Variants in ATRN observed in about 807,000 individuals in gnomAD.
ATRN encodes the protein attractin-2.
Under a neutral mutation model 178.7 loss-of-function variants are expected in ATRN, and 54 were observed. That is an observed-to-expected ratio of 0.30 (90% confidence interval 0.24 to 0.38). The LOEUF (loss-of-function observed/expected upper bound fraction) is 0.38. Ranked by LOEUF, ATRN falls within the 10% of genes least tolerant of loss-of-function variation. ATRN has a pLI of 1.00. For missense variants in ATRN, 1,443 were observed against 1,815.1 expected, an observed-to-expected ratio of 0.79 and a Z score of 3.73; for synonymous variants, 636 against 663.0, an observed-to-expected ratio of 0.96 and a Z score of 0.63.
rs573702595 is a variant in ATRN at position 3,584,951 on chromosome 20, A to T, written c.3184+71A>T. The T allele has an allele frequency of 5.8e-5, 84 of 1,436,282 alleles. No homozygotes were observed. The Middle Eastern group carries it at 8.8e-4, about 15-fold the overall frequency. The allele number at this position is 1,436,282 out of a possible 1,614,324, so 89.0% of individuals were successfully genotyped here. A position where few individuals can be genotyped will look rare whatever the true frequency, so the allele number is the denominator to read the frequency against. ...TATGAAGAATAAAACCTTGAAAGCT[A>T]CGTTGTGTATATGTAACTCCCTGCC... is the stretch of plus-strand genomic sequence containing the variant. On this transcript the variant is annotated intron_variant, in intron 18 of 28. Coordinates refer to ENST00000262919, the MANE Select transcript of ATRN (RefSeq NM_139321.3).
intron 2 of ATRN, among the ~76,000 whole-genome samples, chr20:3,535,626 C>CACACACACACACACACACACACACACAT (rs1491226542): frequency 1.7e-5 from 2 of 115,844 alleles, no homozygotes; most frequent in Non-Finnish European, 3.6e-5. Context: ...CACACACACA[C>CACACACACACACACACACACACACACAT]ATATATATTT....
chr20:3,518,863 C>A (rs1469690070), intron 1 of ATRN, among the ~76,000 whole-genome samples: 1 of 151,906 alleles, frequency 6.6e-6, no homozygotes, highest in Non-Finnish European at 1.5e-5. Context: ...CAGTGCTCAA[C>A]TTTCTAATCA....
chr20:3,493,839 A>C (rs938711377), intron 1 of ATRN, among the ~76,000 whole-genome samples: 2 of 152,138 alleles, frequency 1.3e-5, no homozygotes, highest in Non-Finnish European at 2.9e-5. Context: ...TTTATAGTAA[A>C]CTTTGCTCTT....
chr20:3,489,722 C>G (rs945965993), intron 1 of ATRN: 1 of 1,576,282 alleles, frequency 6.3e-7, no homozygotes. Context: ...TTGGGATGCC[C>G]AAACACCTCA....
At chr20:3,584,626 G>A (rs377237350) in intron 17 of ATRN, 21 bp from the exon 18 acceptor site, 404 of 1,555,146 alleles carry the variant, frequency 2.6e-4, no homozygotes, top group Non-Finnish European at 3.3e-4. Context: ...ATAGTCAATT[G>A]CAACTTTTTT....
At chr20:3,630,347 C>T (rs1000943282) in intron 25 of ATRN, among the ~76,000 whole-genome samples, 20 of 152,058 alleles carry the variant, frequency 1.3e-4, no homozygotes, top group Non-Finnish European at 2.8e-4. Context: ...CACTGTCTCT[C>T]GTTCACTCCT....
At position 3,582,173 on chromosome 20, in the gene ATRN, G is replaced by A. The variant is rs1413343022; in HGVS notation, c.2583G>A (p.Lys861=). The A allele has an allele frequency of 6.2e-7, 1 of 1,614,078 alleles. No individual in the cohort carries two copies. The highest frequency in any genetic ancestry group is 8.5e-7 in the Non-Finnish European group (1 of 1,180,026). The change falls in exon 16 of 29, where the codon AAG becomes AAA. Residue 861 remains lysine (K), a synonymous_variant. Coordinates refer to ENST00000262919, the MANE Select transcript of ATRN (RefSeq NM_139321.3). ...LTLTPWVGLR[K]INVSYWCWED... ...TAACCCCATGGGTCGGCCTTCGGAA[G>A]ATCAATGTGTCCTACTGGTGCTGGG...
At chr20:3,598,028 T>G (rs1400018002) in intron 22 of ATRN, 28 bp downstream of exon 22, 2 of 1,460,394 alleles carry the variant, frequency 1.4e-6, no homozygotes, top group Non-Finnish European at 1.9e-6. Context: ...CTTCCTATTT[T>G]GTTTTGAATT....
rs1045047768 is a variant in ATRN, at chr20:3,647,064, T to C, written c.*217T>C. ...CCTTTTACTTTTGCATAGGAAATAC[T>C]TGATTTAATTACAGGTCCAGGGATG... On this transcript the variant is annotated 3_prime_UTR_variant, in exon 29 of 29. Transcript: ENST00000262919. 1.3e-5 allele frequency: 7 copies of C among 548,134 alleles called. No individual in the cohort carries two copies. In the African/African-American group the frequency reaches 1.3e-4, roughly 11 times the overall value. The allele number at this position is 548,134 out of a possible 1,614,324, so 34.0% of individuals were successfully genotyped here.
At chr20:3,508,367 G>T (rs1485002665) in intron 1 of ATRN, among the ~76,000 whole-genome samples, 1 of 152,090 alleles carries the variant, frequency 6.6e-6, no homozygotes, top group Non-Finnish European at 1.5e-5. Context: ...AAAGGGCCAG[G>T]TAGTATATAT....
chr20:3,639,495 C>T (rs1038760855), intron 27 of ATRN, among the ~76,000 whole-genome samples: 1 of 152,118 alleles, frequency 6.6e-6, no homozygotes, highest in African/African-American at 2.4e-5. Flanking sequence ...TCAAGCAATC[C>T]ACCCACCTCG....
intron 1 of ATRN, among the ~76,000 whole-genome samples, chr20:3,507,986 A>G (rs908634871): frequency 6.6e-6 from 1 of 152,116 alleles, no homozygotes; most frequent in African/African-American, 2.4e-5. Context: ...TACAGACATG[A>G]GCCACCGCGC....
chr20:3,613,375 G>A (rs773742786), intron 24 of ATRN, among the ~76,000 whole-genome samples: 22 of 152,314 alleles, frequency 1.4e-4, no homozygotes, highest in African/African-American at 2.6e-4. Context: ...TTTGGGGACC[G>A]TATCTGGCTG....
rs2084415471 is a variant in ATRN, at chr20:3,471,262, T to A, written c.155T>A (p.Leu52Gln). 1 of 1,448,826 alleles carries A rather than the reference T, an allele frequency of 6.9e-7. No individual in the cohort carries two copies. The highest frequency in any genetic ancestry group is 1.4e-5 in the South Asian group (1 of 71,890). 89.7% of individuals were successfully genotyped at this position (1,448,826 alleles called of 1,614,324 possible). The change falls in exon 1 of 29, where the codon CTG (leucine) becomes CAG (glutamine). Residue 52 changes from leucine (L) to glutamine (Q), a missense_variant. Physicochemically the swap from Leu to Gln is moderately radical, Grantham distance 113. Transcript: ENST00000262919. ...GLGAGLRLPRLLSPPLRPRLL... is the reference protein window; with the variant it reads ...GLGAGLRLPRQLSPPLRPRLL... ...GGGGCCGGGCTGCGCCTCCCGCGGCTGCTGTCTCCACCGCTGCGGCCACGG... is the reference window on the plus strand; with the variant it reads ...GGGGCCGGGCTGCGCCTCCCGCGGCAGCTGTCTCCACCGCTGCGGCCACGG...
At chr20:3,487,320 G>A (rs745584994) in intron 1 of ATRN, among the ~76,000 whole-genome samples, 18 of 152,006 alleles carry the variant, frequency 1.2e-4, no homozygotes, top group Middle Eastern at 3.4e-3. Flanking sequence ...TGCAACCTCC[G>A]CCTCCCAGGT....
chr20:3,533,883 C>G (rs937507911), intron 1 of ATRN, among the ~76,000 whole-genome samples: 1 of 152,160 alleles, frequency 6.6e-6, no homozygotes, highest in Non-Finnish European at 1.5e-5. Context: ...ATCTTGAACT[C>G]ATGGCCTCAA....
At position 3,471,161 on chromosome 20, in the gene ATRN, G is replaced by A; in HGVS notation, c.54G>A (p.Ala18=). Residue 18 remains alanine (A), a synonymous_variant, in exon 1 of 29, where the codon GCG becomes GCA. Coordinates refer to ENST00000262919, the MANE Select transcript of ATRN (RefSeq NM_139321.3). The part of the protein sequence containing the change: ...TEARLRRRTA[A]TAALAGRSGG... ...CAAGGCTGAGGAGGAGGACGGCGGC[G>A]ACGGCAGCGCTCGCGGGCAGGAGCG... The A allele has an allele frequency of 1.3e-6, 2 of 1,506,166 alleles. No individual in the cohort carries two copies. Among genetic ancestry groups the A allele is most frequent in the East Asian group, 2.7e-5 (1 of 36,838 alleles). 93.3% of individuals were successfully genotyped at this position (1,506,166 alleles called of 1,614,324 possible).
intron 1 of ATRN, among the ~76,000 whole-genome samples, chr20:3,492,807 C>G (rs2084813631): frequency 6.7e-6 from 1 of 150,000 alleles, no homozygotes; most frequent in Non-Finnish European, 1.5e-5. Flanking sequence ...TGCTGCTGTA[C>G]TGTCCAGAGA....
chr20:3,584,778 C>G lies in ATRN; in HGVS notation c.3082C>G (p.Pro1028Ala), dbSNP rs1238158195. The part of the protein sequence containing the change: ...EGSYKGPVKM[P>A]SQAPTGNFYP... ...TTCCTATAAAGGACCAGTGAAGATG[C>G]CTTCGCAAGCCCCTACAGGAAATTT... The change falls in exon 18 of 29, where the codon CCT (proline) becomes GCT (alanine). Residue 1028 changes from proline to alanine, a missense_variant. Physicochemically the swap from Pro to Ala is conservative, Grantham distance 27. Transcript: ENST00000262919. 5 of 1,614,012 alleles carry G rather than the reference C, an allele frequency of 3.1e-6. No individual in the cohort carries two copies. The highest frequency in any genetic ancestry group is 3.4e-6 in the Non-Finnish European group (4 of 1,180,024).
Sources: allele counts gnomAD v4.1 joint callset (sites outside exome capture counted in the v4.1 genomes callset), GRCh38; gene constraint gnomAD v4.1.1; transcripts MANE v1.5; gene names NCBI Gene and HGNC (gene_info 2026-07-23, HGNC 2026-07-21).